Variants in RAP1GAP2 observed in about 807,000 individuals in gnomAD.
The protein encoded by RAP1GAP2 is RAP1 GTPase activating protein 2, also known as rap1 GTPase-activating protein 2.
In RAP1GAP2, 27 loss-of-function variants were observed where a neutral mutation model predicts 95.0. That is an observed-to-expected ratio of 0.28 (90% CI 0.21 to 0.39). The LOEUF (loss-of-function observed/expected upper bound fraction) is 0.39, where lower values mean the gene tolerates loss of function less well. RAP1GAP2 is among the 10% of genes least tolerant of loss of function. RAP1GAP2 has a pLI of 1.00. For synonymous variants in RAP1GAP2, 373 were observed against 380.9 expected, an observed-to-expected ratio of 0.98 and a Z score of 0.24; for missense variants, 771 against 970.0, an observed-to-expected ratio of 0.79 and a Z score of 2.72.
intron 2 of RAP1GAP2, among the ~76,000 whole-genome samples, chr17:2,800,849 TTC>T (rs2069259721): frequency 1.0e-5 from 1 of 99,038 alleles, no homozygotes. Context: ...CTTTCTTTCT[TTC>T]TTTCTTTTTT....
chr17:2,879,448 C>G (rs1160328244), intron 2 of RAP1GAP2, among the ~76,000 whole-genome samples: 2 of 151,178 alleles, frequency 1.3e-5, no homozygotes, highest in Non-Finnish European at 2.9e-5. Flanking sequence ...AGTCCCTTGG[C>G]TGGGCGTGGC....
chr17:2,756,305 C>G (rs1269802695), intron 1 of RAP1GAP2, among the ~76,000 whole-genome samples: 1 of 152,228 alleles, frequency 6.6e-6, no homozygotes, highest in Non-Finnish European at 1.5e-5. Context: ...GCCTAGGAGA[C>G]CAGGGCAGGG....
intron 1 of RAP1GAP2, among the ~76,000 whole-genome samples, chr17:2,781,859 GGTCTCTGTGTGTGCAC>G (rs1234043596): frequency 2.5e-4 from 33 of 131,868 alleles, no homozygotes; most frequent in South Asian, 1.7e-3. Context: ...TGTGTGGGCA[GGTCTCTGTGTGTGCAC>G]GTCTCTGTGT....
At chr17:2,768,293 C>T (rs1484913488) in intron 1 of RAP1GAP2, among the ~76,000 whole-genome samples, 1 of 152,158 alleles carries the variant, frequency 6.6e-6, no homozygotes, top group Admixed American at 6.6e-5. Flanking sequence ...TATCAGAGTG[C>T]CTGTTTGTAA....
In RAP1GAP2 at chr17:2,978,875, T is replaced by C. The variant is rs536675024; in HGVS notation, c.597-1412T>C. On this transcript the variant is annotated intron_variant, in intron 8 of 24. Coordinates refer to ENST00000254695, the MANE Select transcript of RAP1GAP2 (RefSeq NM_015085.5). ...TCTTGAAACCGGGAGGCGGAGGTTG[T>C]AGTGAGCCGAGATCACGCCATTGCA... is the stretch of plus-strand genomic sequence containing the variant. 6.8e-4 allele frequency among the ~76,000 whole-genome samples: 104 copies of C among 151,958 alleles called. 1 individual carries two copies. The highest frequency in any genetic ancestry group is 2.4e-3 in the African/African-American group (99 of 41,412).
intron 2 of RAP1GAP2, among the ~76,000 whole-genome samples, chr17:2,862,796 G>A (rs1470032398): frequency 2.6e-5 from 4 of 152,008 alleles, no homozygotes. Context: ...CTGGGAGTTC[G>A]AGACCAGCCT....
intron 2 of RAP1GAP2, among the ~76,000 whole-genome samples, chr17:2,864,276 G>A (rs1409973532): frequency 2.0e-5 from 3 of 152,234 alleles, no homozygotes; most frequent in African/African-American, 7.2e-5. Context: ...TGCTGAGGAC[G>A]CAGCAGTGGG....
Position 2,827,848 on chromosome 17 carries a change from G to A in RAP1GAP2, c.80+27298G>A, listed in dbSNP as rs1290731704. Among the ~76,000 whole-genome samples the A allele has an allele frequency of 2.0e-5, 3 of 152,012 alleles. No individual in the cohort carries two copies. Among genetic ancestry groups the A allele is most frequent in the Non-Finnish European group, 1.5e-5 (1 of 68,014 alleles). ...ATCCCCTTGAAAAACAAGGGGGAGG[G>A]TTCATACACGATCGGTTGCAGCAGG... On this transcript the variant is annotated intron_variant, in intron 2 of 24. Coordinates refer to ENST00000254695, the MANE Select transcript of RAP1GAP2 (RefSeq NM_015085.5). This position sits in a 1 kb window ranked among gnomAD's most constrained non-coding sequence, Gnocchi z 4.1.
At chr17:2,884,372 G>GTGT (rs2073408938) in intron 2 of RAP1GAP2, among the ~76,000 whole-genome samples, 1 of 123,738 alleles carries the variant, frequency 8.1e-6, no homozygotes, top group Non-Finnish European at 1.7e-5. Context: ...TTCTTGAGTT[G>GTGT]TTTTTTTTTT....
rs145688259 is a variant in RAP1GAP2, at chr17:2,762,369, T to C, written c.50+6602T>C. ...AATTGTGTTAGTTGTCTTTGTATTA[T>C]TGAGTTGTAAAAGTTTCTTTTTTCT... On this transcript the variant is annotated intron_variant, in intron 1 of 25. Coordinates refer to the RAP1GAP2 transcript ENST00000637138. Among the ~76,000 whole-genome samples, 740 of 151,738 alleles carry C rather than the reference T, an allele frequency of 4.9e-3. 5 individuals are homozygous for C. The highest frequency in any genetic ancestry group is 0.017 in the African/African-American group (684 of 41,440).
At chr17:2,823,156 C>T (rs1323544549) in intron 2 of RAP1GAP2, among the ~76,000 whole-genome samples, 1 of 151,380 alleles carries the variant, frequency 6.6e-6, no homozygotes, top group African/African-American at 2.4e-5. Flanking sequence ...CCGGATACCT[C>T]ATCCCTGACA....
intron 2 of RAP1GAP2, among the ~76,000 whole-genome samples, chr17:2,876,162 C>T (rs9898863): frequency 0.014 from 2,102 of 152,078 alleles, 51 homozygotes; most frequent in African/African-American, 0.047. Flanking sequence ...TGGTCTTGAT[C>T]TCCTGACCTT....
At chr17:2,824,872 C>T (rs1343230168) in intron 2 of RAP1GAP2, among the ~76,000 whole-genome samples, 1 of 151,874 alleles carries the variant, frequency 6.6e-6, no homozygotes, top group Non-Finnish European at 1.5e-5. Context: ...CGAAAGGAAG[C>T]ACCTGGACTG....
intron 16 of RAP1GAP2, 76 bp downstream of exon 16, chr17:3,006,117 C>CAA: frequency 1.3e-5 from 10 of 792,956 alleles, no homozygotes; most frequent in Non-Finnish European, 1.7e-5. Context: ...AGGGCTCCTC[C>CAA]ATCTTTTTTT....
intron 3 of RAP1GAP2, among the ~76,000 whole-genome samples, chr17:2,938,694 A>T (rs1370868022): frequency 3.9e-5 from 6 of 152,184 alleles, no homozygotes; most frequent in Non-Finnish European, 8.8e-5. Context: ...GGATAAAAAA[A>T]ATAAATATCT....
At chr17:2,972,126 A>C (rs1282684807) in intron 8 of RAP1GAP2, among the ~76,000 whole-genome samples, 1 of 152,238 alleles carries the variant, frequency 6.6e-6, no homozygotes, top group African/African-American at 2.4e-5. Flanking sequence ...AATGTAACTT[A>C]AGATGAGGTA....
chr17:2,956,294 A>C (rs1376880211), intron 3 of RAP1GAP2, among the ~76,000 whole-genome samples: 2 of 152,224 alleles, frequency 1.3e-5, no homozygotes, highest in Admixed American at 1.3e-4. Context: ...TAGATGCCAG[A>C]TCCTGAACTG....
intron 1 of RAP1GAP2, among the ~76,000 whole-genome samples, chr17:2,759,900 A>G (rs1167219120): frequency 6.6e-6 from 1 of 152,140 alleles, no homozygotes; most frequent in African/African-American, 2.4e-5. Flanking sequence ...TATATTCTTC[A>G]AAGTGAAATT....
chr17:2,985,135 C>T, intron 11 of RAP1GAP2, 69 bp downstream of exon 11: 1 of 1,603,486 alleles, frequency 6.2e-7, no homozygotes, highest in African/African-American at 1.3e-5. Context: ...TTTATCCCCA[C>T]CCAGAACACA....
Sources: allele counts gnomAD v4.1 joint callset (sites outside exome capture counted in the v4.1 genomes callset), GRCh38; gene constraint gnomAD v4.1.1; non-coding constraint Gnocchi (gnomAD v3.1); transcripts MANE v1.5; gene names NCBI Gene and HGNC (gene_info 2026-07-23, HGNC 2026-07-21).